FLYWCH1: variants seen among roughly 807,000 people sequenced by gnomAD.
FLYWCH1 encodes FLYWCH-type zinc finger 1, also known as FLYWCH-type zinc finger-containing protein 1.
In FLYWCH1, 75 loss-of-function variants were observed where a neutral mutation model predicts 66.4. That is an observed-to-expected ratio of 1.13 (90% CI 0.94 to 1.37). The LOEUF is 1.37. FLYWCH1 is among the 40% of genes most tolerant of loss of function. The probability of loss-of-function intolerance (pLI) is 0.00; values close to 1 mark genes in which losing one functional copy is unlikely to be tolerated. For missense variants in FLYWCH1, 1,334 were observed against 1,001.8 expected (o/e 1.33, Z -4.48); for synonymous variants, 595 against 429.9 (o/e 1.38, Z -4.75).
chr16:2,935,622 C>T (rs1297820690), intron 6 of FLYWCH1: 1 of 152,082 alleles, frequency 6.6e-6, no homozygotes, highest in Non-Finnish European at 1.5e-5. Context: ...CTGTCGCTTC[C>T]CTCCGCCGGA....
At chr16:2,933,653 G>T in intron 5 of FLYWCH1, 63 bp from the exon 6 acceptor site, 8 of 1,566,250 alleles carry the variant, frequency 5.1e-6, no homozygotes, top group Non-Finnish European at 6.1e-6. Context: ...GGGAGGGAAG[G>T]GGGTGCGATC....
chr16:2,931,058 A>G (rs2070745390), intron 4 of FLYWCH1, among the ~76,000 whole-genome samples, 178 bp downstream of exon 4: 1 of 152,154 alleles, frequency 6.6e-6, no homozygotes, highest in Non-Finnish European at 1.5e-5. Context: ...TAATCCCAGC[A>G]CTTTGGGAGG....
At chr16:2,922,467 C>G (rs2070407166) in intron 2 of FLYWCH1, 1 of 232,582 alleles carries the variant, frequency 4.3e-6, no homozygotes, top group African/African-American at 2.4e-5. Context: ...CCATGAAACA[C>G]TCCCTCCTCA....
At chr16:2,931,216 T>G (rs1434212069) in intron 4 of FLYWCH1, among the ~76,000 whole-genome samples, 1 of 144,100 alleles carries the variant, frequency 6.9e-6, no homozygotes, top group Non-Finnish European at 1.5e-5. Context: ...GGCAGGAGAA[T>G]CGCTTGAACC....
At chr16:2,932,786 C>G (rs113179737) in intron 4 of FLYWCH1, among the ~76,000 whole-genome samples, 8,596 of 152,074 alleles carry the variant, frequency 0.057, 292 homozygotes, top group Middle Eastern at 0.11. Context: ...GTTGGCCCCT[C>G]CCGGTGTAAC....
rs1334445754 is a variant in FLYWCH1, at chr16:2,945,434, C to T, written c.2112-3254C>T. ...CAGGGAGTTGGAGGTTGCAGTGAGC[C>T]GACATTCATGCCACTGCATTCCAGC... On this transcript the variant is annotated intron_variant, in intron 9 of 9. Coordinates refer to ENST00000253928, the MANE Select transcript of FLYWCH1 (RefSeq NM_001308068.2). 4.8e-5 allele frequency among the ~76,000 whole-genome samples: 7 copies of T among 144,766 alleles called. No individual in the cohort carries two copies. In the South Asian group the frequency reaches 8.6e-4, roughly 18 times the overall value. 95.0% of individuals were successfully genotyped at this position (144,766 alleles called of 152,430 possible).
intron 2 of FLYWCH1, among the ~76,000 whole-genome samples, chr16:2,921,513 T>C (rs1026612022): frequency 1.3e-5 from 2 of 151,920 alleles, no homozygotes; most frequent in African/African-American, 4.8e-5. Context: ...CCTGGAAATA[T>C]AGCAAGACCC....
Position 2,934,007 on chromosome 16 carries a change from C to G in FLYWCH1, c.1513+28C>G, listed in dbSNP as rs780455005. 14 of 1,493,326 alleles carry G rather than the reference C, an allele frequency of 9.4e-6. No homozygotes were observed. The African/African-American group carries it at 1.7e-4, about 18-fold the overall frequency. The allele number at this position is 1,493,326 out of a possible 1,614,324, so 92.5% of individuals were successfully genotyped here. ...ACCTGGGGGTGGGCTGGGAGCTGGG[C>G]CCCAGGAAGCAGGCAGGAGCCCCAC... On this transcript the variant is annotated intron_variant, in intron 6 of 9. Transcript: ENST00000253928.
At chr16:2,942,651 A>G (rs12933831) in intron 9 of FLYWCH1, among the ~76,000 whole-genome samples, 24 of 151,274 alleles carry the variant, frequency 1.6e-4, no homozygotes, top group East Asian at 1.9e-4. Flanking sequence ...AATGTAACAC[A>G]GCAGGCCTGA....
In FLYWCH1 at chr16:2,936,451, C is replaced by T. The variant is rs552420966; in HGVS notation, c.1514-670C>T. On this transcript the variant is annotated intron_variant, in intron 6 of 9. Coordinates refer to ENST00000253928, the MANE Select transcript of FLYWCH1 (RefSeq NM_001308068.2). ...GTAGTTCCACAGCCAGACACCCTCC[C>T]GCCCCCCGCTGGCCTCTCCTCTAGG... 1.6e-4 allele frequency: 72 copies of T among 448,026 alleles called. No individual in the cohort carries two copies. The East Asian group carries it at 2.2e-3, about 13-fold the overall frequency. The allele number at this position is 448,026 out of a possible 1,614,324, so 27.8% of individuals were successfully genotyped here.
At chr16:2,937,029 G>T (rs1196290664) in intron 6 of FLYWCH1, 92 bp from the exon 7 acceptor site, 2 of 1,386,120 alleles carry the variant, frequency 1.4e-6, no homozygotes, top group Non-Finnish European at 9.7e-7. Context: ...AGGAGGAGGT[G>T]TGGGCGTTGT....
Position 2,948,826 on chromosome 16 carries a change from C to A in FLYWCH1, c.*99C>A. 9.4e-7 allele frequency: 1 copy of A among 1,061,776 alleles called. No individual in the cohort carries two copies. The highest frequency in any genetic ancestry group is 1.3e-5 in the South Asian group (1 of 77,468). 65.8% of individuals were successfully genotyped at this position (1,061,776 alleles called of 1,614,324 possible). ...CCTAGGTTTGGCTTAGCAGAAACTT[C>A]TTTTCATTCTTCCAAAGCATCGATG... On this transcript the variant is annotated 3_prime_UTR_variant, in exon 10 of 10. Coordinates refer to ENST00000253928, the MANE Select transcript of FLYWCH1 (RefSeq NM_001308068.2).
rs1441485939 is a variant in FLYWCH1 at position 2,950,581 on chromosome 16, C to G, written c.*1854C>G. 6.6e-6 allele frequency: 1 copy of G among 152,484 alleles called. No homozygotes were observed. Among genetic ancestry groups the G allele is most frequent in the Non-Finnish European group, 1.5e-5 (1 of 68,250 alleles). 9.4% of individuals were successfully genotyped at this position (152,484 alleles called of 1,614,324 possible). On this transcript the variant is annotated 3_prime_UTR_variant, in exon 10 of 10. Transcript: ENST00000253928. ...GCGCCCTCCACCTGTGGGCTCCTTG[C>G]CTCTGTGATGGGGCCTCCACGGCCA...
intron 9 of FLYWCH1, among the ~76,000 whole-genome samples, chr16:2,947,785 C>T (rs1446810416): frequency 6.8e-6 from 1 of 147,076 alleles, no homozygotes; most frequent in Non-Finnish European, 1.5e-5. Flanking sequence ...AAAAAAAATC[C>T]CTTACAGTAC....
At chr16:2,945,914 G>A (rs958386253) in intron 9 of FLYWCH1, among the ~76,000 whole-genome samples, 24 of 151,526 alleles carry the variant, frequency 1.6e-4, no homozygotes, top group South Asian at 8.3e-4. Context: ...GGAGAATGGC[G>A]TGAACCCGGG....
intron 9 of FLYWCH1, among the ~76,000 whole-genome samples, chr16:2,948,477 C>T (rs920707041): frequency 3.3e-5 from 5 of 152,078 alleles, no homozygotes; most frequent in Non-Finnish European, 7.4e-5. Flanking sequence ...GTGGGAGAAT[C>T]ACTTGAACCC....
intron 2 of FLYWCH1, among the ~76,000 whole-genome samples, chr16:2,926,030 C>T (rs1426928448): frequency 6.6e-6 from 1 of 152,164 alleles, no homozygotes; most frequent in Non-Finnish European, 1.5e-5. Flanking sequence ...TCTGCCCACA[C>T]TCAGTTGCCC....
At chr16:2,912,719 A>G (rs756827399) in intron 1 of FLYWCH1, among the ~76,000 whole-genome samples, 17 of 152,234 alleles carry the variant, frequency 1.1e-4, no homozygotes, top group African/African-American at 3.9e-4. Flanking sequence ...ATTCCGTTCC[A>G]TTCTCTTCCA....
chr16:2,923,780 G>A (rs28550310), intron 2 of FLYWCH1, among the ~76,000 whole-genome samples: 113,664 of 151,800 alleles, frequency 0.75, 42,702 homozygotes, highest in Non-Finnish European at 0.79. Context: ...GCTCACACCT[G>A]TAATCCCCGC....
Sources: gnomAD v4.1 joint callset for allele counts (sites outside exome capture counted in the v4.1 genomes callset) on GRCh38, gnomAD v4.1.1 for gene constraint, MANE v1.5 for transcripts, NCBI Gene and HGNC (gene_info 2026-07-23, HGNC 2026-07-21) for gene names.